Variants in ATP10B observed in about 807,000 individuals in gnomAD.
ATP10B encodes the protein ATPase phospholipid transporting 10B (putative).
ATP10B carries 122 observed loss-of-function variants against 141.2 expected under a neutral mutation model. The observed-to-expected ratio is 0.86, with a 90% CI of 0.75 to 1.00. The LOEUF is 1.00. Ranked by LOEUF, ATP10B falls within the 50% of genes least tolerant of loss-of-function variation. ATP10B has a pLI of 0.00. For synonymous variants in ATP10B, 685 were observed against 692.0 expected (o/e 0.99, Z 0.16); for missense variants, 1,876 against 1,825.3 (o/e 1.03, Z -0.51).
chr5:160,859,063 G>T, the ATP10B span, among the ~76,000 whole-genome samples: 1 of 151,476 alleles, frequency 6.6e-6, no homozygotes, highest in Middle Eastern at 3.4e-3. Context: ...TTTCCTTTTT[G>T]TTTAGAGAAC....
At chr5:160,797,948 G>GAAAAAAAAAAAAAAAAAA (rs34913318) in intron 1 of ATP10B, among the ~76,000 whole-genome samples, 6 of 127,542 alleles carry the variant, frequency 4.7e-5, no homozygotes, top group South Asian at 2.4e-4. Context: ...AAGAAAAAAA[G>GAAAAAAAAAAAAAAAAAA]AAAAAAAAAA....
chr5:160,565,459 G>T lies in ATP10B; in HGVS notation c.4380C>A (p.Thr1460=). 2 of 1,613,926 alleles carry T rather than the reference G, an allele frequency of 1.2e-6. No homozygotes were observed. Among genetic ancestry groups the T allele is most frequent in the Non-Finnish European group, 1.7e-6 (2 of 1,179,878 alleles). The change falls in exon 26 of 26, where the codon ACC becomes ACA. Residue 1460 remains threonine, a synonymous_variant. Coordinates refer to ENST00000327245, the MANE Select transcript of ATP10B (RefSeq NM_025153.3). ...TACAGATTTCTGCAGCTCCTCATAT[G>T]GTCAGTGAACTCTGGGATCGGCGAT... The part of the protein sequence containing the change: ...SSHRRSQSSL[T]I
chr5:160,886,775 C>T, the ATP10B span, among the ~76,000 whole-genome samples: 3 of 152,114 alleles, frequency 2.0e-5, no homozygotes, highest in African/African-American at 7.2e-5. Flanking sequence ...ATGGTCCATG[C>T]CATAATTTCA....
intron 2 of ATP10B, among the ~76,000 whole-genome samples, chr5:160,754,152 A>G (rs1768350598): frequency 6.6e-6 from 1 of 152,224 alleles, no homozygotes. Context: ...AATATAAATT[A>G]TACCGTTTTC....
chr5:160,928,346 G>C, the ATP10B span, among the ~76,000 whole-genome samples: 1 of 152,264 alleles, frequency 6.6e-6, no homozygotes, highest in Admixed American at 6.5e-5. Context: ...AGGAAACCAA[G>C]CTTTGAATTA....
intron 1 of ATP10B, among the ~76,000 whole-genome samples, chr5:160,786,103 T>C (rs1771129061): frequency 6.6e-6 from 1 of 152,180 alleles, no homozygotes; most frequent in South Asian, 2.1e-4. Context: ...ACTCAGTGCA[T>C]TTCATCTTTT....
chr5:160,691,471 C>T (rs1399803753), intron 3 of ATP10B, among the ~76,000 whole-genome samples: 1 of 151,986 alleles, frequency 6.6e-6, no homozygotes, highest in East Asian at 1.9e-4. Context: ...CTTAAAGACC[C>T]AGAAGGATAT....
intron 1 of ATP10B, among the ~76,000 whole-genome samples, chr5:160,825,079 G>T (rs1490479635): frequency 1.3e-5 from 2 of 152,200 alleles, no homozygotes; most frequent in East Asian, 3.9e-4. Flanking sequence ...TCCCTTAATG[G>T]ATTGTGTGAT....
chr5:160,912,799 G>A, the ATP10B span, among the ~76,000 whole-genome samples: 22 of 152,296 alleles, frequency 1.4e-4, no homozygotes, highest in East Asian at 9.6e-4. Flanking sequence ...ATAGTTCAGC[G>A]GGGCTGTCTA....
At chr5:160,760,940 T>C (rs1339406633) in intron 2 of ATP10B, among the ~76,000 whole-genome samples, 1 of 152,148 alleles carries the variant, frequency 6.6e-6, no homozygotes, top group Non-Finnish European at 1.5e-5. Flanking sequence ...CCTGCCCTAG[T>C]AGTTGAAGAT....
intron 2 of ATP10B, among the ~76,000 whole-genome samples, chr5:160,731,986 G>A (rs761743169): frequency 7.2e-5 from 11 of 152,050 alleles, no homozygotes; most frequent in Non-Finnish European, 1.6e-4. Flanking sequence ...TGTTGAACAG[G>A]TAAGACCCCC....
At chr5:160,658,536 TGAG>T (rs2127709167) in intron 7 of ATP10B, among the ~76,000 whole-genome samples, 1 of 152,304 alleles carries the variant, frequency 6.6e-6, no homozygotes, top group South Asian at 2.1e-4. Context: ...ATTTCAAACA[TGAG>T]GTTCAAGTGG....
At chr5:160,599,312 T>A (rs924648038) in intron 21 of ATP10B, among the ~76,000 whole-genome samples, 5 of 152,166 alleles carry the variant, frequency 3.3e-5, no homozygotes, top group Non-Finnish European at 7.3e-5. Flanking sequence ...ATTGCTTAAT[T>A]CAACATCACA....
chr5:160,842,079 CA>C (rs1775843291), intron 1 of ATP10B, among the ~76,000 whole-genome samples: 1 of 152,042 alleles, frequency 6.6e-6, no homozygotes, highest in African/African-American at 2.4e-5. Flanking sequence ...ACAGGCTAGC[CA>C]TAAAGCAAGT....
At chr5:160,620,148 C>G (rs1758243130) in intron 15 of ATP10B, among the ~76,000 whole-genome samples, 199 bp downstream of exon 15, 1 of 152,214 alleles carries the variant, frequency 6.6e-6, no homozygotes, top group Admixed American at 6.5e-5. Context: ...CTAATGGACA[C>G]TGTGATTCCC....
chr5:160,728,034 GA>G (rs1324579915), intron 2 of ATP10B, among the ~76,000 whole-genome samples: 2 of 152,154 alleles, frequency 1.3e-5, no homozygotes, highest in Admixed American at 1.3e-4. Context: ...AGGTGTAGAA[GA>G]AAGACAAGAG....
intron 7 of ATP10B, among the ~76,000 whole-genome samples, chr5:160,662,896 A>G (rs917402129): frequency 6.6e-6 from 1 of 152,250 alleles, no homozygotes; most frequent in African/African-American, 2.4e-5. Context: ...CAATCTACCC[A>G]TCTGACAAAG....
At chr5:160,605,302 G>T (rs919752638) in intron 19 of ATP10B, among the ~76,000 whole-genome samples, 2 of 152,204 alleles carry the variant, frequency 1.3e-5, no homozygotes, top group African/African-American at 4.8e-5. Context: ...TAAAAGTTTT[G>T]CCATAAGTAG....
chr5:160,834,533 A>G lies in ATP10B; in HGVS notation c.-576+17408T>C, dbSNP rs142095843. Among the ~76,000 whole-genome samples the G allele has an allele frequency of 6.0e-3, 916 of 152,270 alleles. 13 individuals are homozygous for G. The highest frequency in any genetic ancestry group is 0.021 in the African/African-American group (872 of 41,576). ...CTGTACAAAAGGATGTGCCTTTTTC[A>G]GGGCAACATTCTTTATGAAATGCTA... On this transcript the variant is annotated intron_variant, in intron 1 of 25. Coordinates refer to ENST00000327245, the MANE Select transcript of ATP10B (RefSeq NM_025153.3).
Sources: gnomAD v4.1 joint callset for allele counts (sites outside exome capture counted in the v4.1 genomes callset) on GRCh38, gnomAD v4.1.1 for gene constraint, MANE v1.5 for transcripts, NCBI Gene and HGNC (gene_info 2026-07-23, HGNC 2026-07-21) for gene names.